The following MAP4K1 variants were observed in gnomAD, a reference collection of about 807,000 sequenced individuals.
MAP4K1 encodes MAPK/ERK kinase kinase kinase 1.
Under a neutral mutation model 122.8 loss-of-function variants are expected in MAP4K1, and 35 were observed. That is an observed-to-expected ratio of 0.29 (90% CI 0.22 to 0.38). The LOEUF (loss-of-function observed/expected upper bound fraction) is 0.38. MAP4K1 is among the 10% of genes least tolerant of loss of function. The pLI is 1.00. For synonymous variants in MAP4K1, 412 were observed against 421.3 expected (o/e 0.98, Z 0.27); for missense variants, 791 against 1,072.6 (o/e 0.74, Z 3.67).
At chr19:38,593,178 GAC>G (rs2145932266) in intron 30 of MAP4K1, 102 bp downstream of exon 30, 1 of 1,091,196 alleles carries the variant, frequency 9.2e-7, no homozygotes, top group Non-Finnish European at 1.3e-6. Context: ...GACCAGGTGA[GAC>G]ACTGTCCAGG....
At position 38,595,691 on chromosome 19, in the gene MAP4K1, G is replaced by A. The variant is rs1484809303; in HGVS notation, c.2218C>T (p.Arg740Trp). Residue 740 changes from arginine to tryptophan, a missense_variant, in exon 28 of 31, where the codon CGG becomes TGG. Around this residue, in one of 4 missense-constraint regions of MAP4K1, gnomAD observed 267 missense variants for 323.0 expected, o/e 0.83. Coordinates refer to ENST00000396857, the MANE Select transcript of MAP4K1 (RefSeq NM_001042600.3). ...GGGATCTCAGGTGTGCGAAGTCCCCGGACTGGGGACCCCTCCGGGGTCACC... is the reference window on the plus strand; with the variant it reads ...GGGATCTCAGGTGTGCGAAGTCCCCAGACTGGGGACCCCTCCGGGGTCACC... ...KLVTPEGSPV[R>W]GLRTPEIPMT... is the part of the protein sequence containing the mutation. 1.9e-6 allele frequency: 3 copies of A among 1,612,306 alleles called. No homozygotes were observed. The highest frequency in any genetic ancestry group is 1.1e-5 in the South Asian group (1 of 90,918).
intron 19 of MAP4K1, among the ~76,000 whole-genome samples, chr19:38,604,128 C>CA (rs200072842): frequency 0.092 from 4,847 of 52,752 alleles, 464 homozygotes; most frequent in Non-Finnish European, 0.16. Flanking sequence ...GATACTATCT[C>CA]AAAAAAAAAA....
chr19:38,602,816 A>G (rs924744670), intron 19 of MAP4K1, among the ~76,000 whole-genome samples: 1 of 149,356 alleles, frequency 6.7e-6, no homozygotes, highest in Non-Finnish European at 1.5e-5. Context: ...ATACATATAT[A>G]CACATGTACA....
rs200727191 is a variant in MAP4K1 at position 38,608,070 on chromosome 19, G to A, written c.1066-37C>T. ...GAAAAGGGTCAGCAGTGGCCTCAGG[G>A]AAGCAGGCGGTGTGGTGGGGAGTGG... On this transcript the variant is annotated intron_variant, in intron 14 of 30. Coordinates refer to ENST00000396857, the MANE Select transcript of MAP4K1 (RefSeq NM_001042600.3). 46 of 1,569,278 alleles carry A rather than the reference G, an allele frequency of 2.9e-5. No homozygotes were observed. In the East Asian group the frequency reaches 7.6e-4, roughly 26 times the overall value.
intron 19 of MAP4K1, among the ~76,000 whole-genome samples, chr19:38,603,277 C>T (rs1267371823): frequency 1.5e-5 from 2 of 135,714 alleles, no homozygotes; most frequent in African/African-American, 3.0e-5. Flanking sequence ...CATATATACA[C>T]ATACATATAC....
At chr19:38,589,787 T>C (rs1374351420) in intron 30 of MAP4K1, among the ~76,000 whole-genome samples, 1 of 152,080 alleles carries the variant, frequency 6.6e-6, no homozygotes, top group African/African-American at 2.4e-5. Context: ...CCCAGCACTT[T>C]GGGAAGCCTA....
intron 30 of MAP4K1, among the ~76,000 whole-genome samples, chr19:38,591,000 C>CAT (rs1273378891): frequency 6.8e-6 from 1 of 147,774 alleles, no homozygotes; most frequent in African/African-American, 2.6e-5. Flanking sequence ...CACACACACA[C>CAT]ATATACTTGT....
chr19:38,595,706 C>G lies in MAP4K1; in HGVS notation c.2203G>C (p.Glu735Gln). ...MDGSVKLVTP[E>Q]GSPVRGLRTP... ...CGAAGTCCCCGGACTGGGGACCCCT[C>G]CGGGGTCACCAGCTTCACAGAGCCT... Residue 735 changes from glutamate to glutamine, a missense_variant, in exon 28 of 31, where the codon GAG (glutamate) becomes CAG (glutamine). Physicochemically the swap from Glu to Gln is conservative, Grantham distance 29. This residue lies in a region of MAP4K1 where 267 missense variants were observed against 323.0 expected (regional missense o/e 0.83). Transcript: ENST00000396857. 6.2e-7 allele frequency: 1 copy of G among 1,605,954 alleles called. No homozygotes were observed. Among genetic ancestry groups the G allele is most frequent in the Non-Finnish European group, 8.5e-7 (1 of 1,176,888 alleles).
chr19:38,605,669 C>T lies in MAP4K1; in HGVS notation c.1262G>A (p.Ser421Asn). 6.2e-7 allele frequency: 1 copy of T among 1,606,022 alleles called. No individual in the cohort carries two copies. ...GGCACACCGGACCAGCACCCCCGGG[C>T]TCAGCTGCCCATCATCCCCCATGCT... ...PGSMGDDGQL[S>N]PGVLVRCASG... Residue 421 changes from serine (S) to asparagine (N), a missense_variant, in exon 18 of 31, where the codon AGC becomes AAC. Transcript: ENST00000396857.
Position 38,611,073 on chromosome 19 carries a change from G to C in MAP4K1, c.788C>G (p.Pro263Arg). ...TACACTGAGCATCTTGGTGGCGCTGGGTCGTTTCTTGGGACTCTTAGTCAG... is the reference window on the plus strand; with the variant it reads ...TACACTGAGCATCTTGGTGGCGCTGCGTCGTTTCTTGGGACTCTTAGTCAG... ...VTLTKSPKKR[P>R]SATKMLSHQL... Residue 263 changes from proline to arginine, a missense_variant, in exon 11 of 31, where the codon CCC (proline) becomes CGC (arginine). Transcript: ENST00000396857. The C allele has an allele frequency of 6.2e-7, 1 of 1,613,112 alleles. No homozygotes were observed. Among genetic ancestry groups the C allele is most frequent in the Non-Finnish European group, 8.5e-7 (1 of 1,179,628 alleles).
At chr19:38,606,484 T>G (rs570126840) in intron 16 of MAP4K1, among the ~76,000 whole-genome samples, 9 of 152,236 alleles carry the variant, frequency 5.9e-5, no homozygotes, top group Admixed American at 5.9e-4. Flanking sequence ...TAGCAAGACC[T>G]TGTCTCCAGA....
At position 38,596,123 on chromosome 19, in the gene MAP4K1, C is replaced by G. The variant is rs1285367221; in HGVS notation, c.2117-122G>C. 4 of 1,323,144 alleles carry G rather than the reference C, an allele frequency of 3.0e-6. No homozygotes were observed. The Admixed American group carries it at 7.3e-5, about 24-fold the overall frequency. The allele number at this position is 1,323,144 out of a possible 1,614,324, so 82.0% of individuals were successfully genotyped here. On this transcript the variant is annotated intron_variant, in intron 26 of 30. Coordinates refer to ENST00000396857, the MANE Select transcript of MAP4K1 (RefSeq NM_001042600.3). Reference sequence around the variant, plus strand: ...CAGTTCACAAGCAAGTGGGCTAAACCCCGCCCACCATCCCGGTCCCACCCC... The same window carrying G: ...CAGTTCACAAGCAAGTGGGCTAAACGCCGCCCACCATCCCGGTCCCACCCC...
chr19:38,592,832 G>C (rs957064973), intron 30 of MAP4K1, among the ~76,000 whole-genome samples: 1 of 148,376 alleles, frequency 6.7e-6, no homozygotes, highest in African/African-American at 2.5e-5. Flanking sequence ...CAAGAGAATC[G>C]CTTGAACCTG....
rs1975692037 is a variant in MAP4K1, at chr19:38,617,716, C to T, written c.99+81G>A. ...AGTCAAGGTCAAGAACTGGGACCCC[C>T]TCTTGCAGCCTCCTCCCTGCCGAGG... On this transcript the variant is annotated intron_variant, in intron 1 of 30. Transcript: ENST00000396857. This position sits in a 1 kb window ranked among gnomAD's most constrained non-coding sequence, Gnocchi z 4.1. 1.9e-6 allele frequency: 3 copies of T among 1,602,922 alleles called. No individual in the cohort carries two copies. The highest frequency in any genetic ancestry group is 1.1e-5 in the South Asian group (1 of 90,866).
chr19:38,602,990 A>T (rs564665106), intron 19 of MAP4K1, among the ~76,000 whole-genome samples: 2 of 143,702 alleles, frequency 1.4e-5, no homozygotes, highest in African/African-American at 5.0e-5. Flanking sequence ...GCATATACAT[A>T]TATACATATA....
At chr19:38,606,900 A>T (rs1396225778) in intron 16 of MAP4K1, among the ~76,000 whole-genome samples, 1 of 152,114 alleles carries the variant, frequency 6.6e-6, no homozygotes, top group Admixed American at 6.6e-5. Context: ...GCGCACCTGG[A>T]TGGAGCCTGA....
chr19:38,590,397 ATATATATAT>A (rs1568618948), intron 30 of MAP4K1, among the ~76,000 whole-genome samples: 64 of 29,728 alleles, frequency 2.2e-3, no homozygotes, highest in African/African-American at 0.01. Flanking sequence ...AAAAAAAAAT[ATATATATAT>A]ATATATATAT....
intron 13 of MAP4K1, among the ~76,000 whole-genome samples, chr19:38,608,654 G>C (rs188277120): frequency 1.3e-5 from 2 of 151,908 alleles, no homozygotes; most frequent in Non-Finnish European, 2.9e-5. Flanking sequence ...ACAAAAATTA[G>C]CCGGGCATGG....
Position 38,604,128 on chromosome 19 carries a change from C to CAAAAAAA in MAP4K1, c.1446+1274_1446+1280dup, listed in dbSNP as rs200072842. On this transcript the variant is annotated intron_variant, in intron 19 of 30. Transcript: ENST00000396857. The stretch of plus-strand genomic sequence containing the variant: ...TGGGCGACAGAGCGAGATACTATCT[C>CAAAAAAA]AAAAAAAAAAAAAAAAAAAAAAAAA... Among the ~76,000 whole-genome samples, 221 of 53,484 alleles carry CAAAAAAA rather than the reference C, an allele frequency of 4.1e-3. 7 individuals are homozygous for CAAAAAAA. Among genetic ancestry groups the CAAAAAAA allele is most frequent in the South Asian group, 7.4e-3 (15 of 2,018 alleles). The allele number at this position is 53,484 out of a possible 152,430, so 35.1% of individuals were successfully genotyped here.
Sources: gnomAD v4.1 joint callset for allele counts (sites outside exome capture counted in the v4.1 genomes callset) on GRCh38, gnomAD v4.1.1 for gene constraint, gnomAD v4.1.1 regional missense constraint, Gnocchi (gnomAD v3.1) non-coding constraint, MANE v1.5 for transcripts, NCBI Gene and HGNC (gene_info 2026-07-23, HGNC 2026-07-21) for gene names.